Variants in ITGBL1 observed in about 807,000 individuals in gnomAD.
The protein encoded by ITGBL1 is integrin beta-like protein 1.
ITGBL1 carries 51 observed loss-of-function variants against 68.5 expected under a neutral mutation model. The ratio of observed to expected loss-of-function variants is 0.74; its 90% CI spans 0.59 to 0.94. ITGBL1 has a LOEUF of 0.94. ITGBL1 is among the 40% of genes least tolerant of loss of function. The pLI is 0.00. For missense variants in ITGBL1, 649 were observed against 647.4 expected (o/e 1.00, Z -0.03); for synonymous variants, 209 against 227.3 (o/e 0.92, Z 0.72).
Position 101,579,202 on chromosome 13 carries a change from A to G in ITGBL1, c.587-85A>G, listed in dbSNP as rs1030869189. ...AGCTGTGACAGTATTTCAGAAGGCA[A>G]AAATGATCACAAAGAGATAGAAAGT... On this transcript the variant is annotated intron_variant, in intron 4 of 10. Coordinates refer to ENST00000376180, the MANE Select transcript of ITGBL1 (RefSeq NM_004791.3). The G allele has an allele frequency of 6.7e-6, 10 of 1,481,654 alleles. No individual in the cohort carries two copies. In the African/African-American group the frequency reaches 8.4e-5, roughly 12 times the overall value. 91.8% of individuals were successfully genotyped at this position (1,481,654 alleles called of 1,614,324 possible).
intron 3 of ITGBL1, among the ~76,000 whole-genome samples, chr13:101,570,470 A>G (rs2050254437): frequency 6.6e-6 from 1 of 152,192 alleles, no homozygotes; most frequent in Non-Finnish European, 1.5e-5. Context: ...TTGTGGGCAC[A>G]GGGATACTTA....
At chr13:101,667,409 T>C (rs1296646332) in intron 7 of ITGBL1, among the ~76,000 whole-genome samples, 3 of 152,074 alleles carry the variant, frequency 2.0e-5, no homozygotes, top group Non-Finnish European at 4.4e-5. Context: ...TGCTTGGAGA[T>C]TATTTTTCTC....
At chr13:101,675,177 C>A (rs2033470605) in intron 7 of ITGBL1, among the ~76,000 whole-genome samples, 1 of 151,850 alleles carries the variant, frequency 6.6e-6, no homozygotes, top group African/African-American at 2.4e-5. Context: ...TTGCTTTTTC[C>A]TTTGAAAGTA....
intron 4 of ITGBL1, among the ~76,000 whole-genome samples, chr13:101,579,043 C>T (rs1439386712): frequency 1.3e-5 from 2 of 152,132 alleles, no homozygotes; most frequent in Non-Finnish European, 2.9e-5. Flanking sequence ...TTTAAAAATA[C>T]TTTTAATCAG....
intron 2 of ITGBL1, among the ~76,000 whole-genome samples, chr13:101,535,539 T>G (rs2049559061): frequency 6.6e-6 from 1 of 152,144 alleles, no homozygotes; most frequent in African/African-American, 2.4e-5. Flanking sequence ...TCCTCTGACT[T>G]GAGAATCTAG....
intron 4 of ITGBL1, among the ~76,000 whole-genome samples, chr13:101,577,017 A>G (rs545482489): frequency 6.6e-5 from 10 of 152,164 alleles, no homozygotes; most frequent in Non-Finnish European, 1.5e-4. Flanking sequence ...TAAACACCAC[A>G]AAAGCAGAGT....
At chr13:101,528,538 A>G (rs1196963090) in intron 2 of ITGBL1, among the ~76,000 whole-genome samples, 2 of 151,762 alleles carry the variant, frequency 1.3e-5, no homozygotes, top group Admixed American at 6.6e-5. Context: ...TCCTAGATTC[A>G]TAAGGAGAAC....
rs576999276 is a variant in ITGBL1, at chr13:101,694,745, T to C, written c.1132+2044T>C. The stretch of plus-strand genomic sequence containing the variant: ...CCAGAAATGGCTTTTGTATGTTTTT[T>C]CTGTCTATTTGTTGCTTTGGAGTAA... On this transcript the variant is annotated intron_variant, in intron 8 of 10. Coordinates refer to ENST00000376180, the MANE Select transcript of ITGBL1 (RefSeq NM_004791.3). Among the ~76,000 whole-genome samples, 4 of 152,298 alleles carry C rather than the reference T, an allele frequency of 2.6e-5. No homozygotes were observed. In the East Asian group the frequency reaches 7.7e-4, roughly 29 times the overall value.
chr13:101,539,995 T>C (rs1023768394), intron 2 of ITGBL1, among the ~76,000 whole-genome samples: 1 of 152,226 alleles, frequency 6.6e-6, no homozygotes, highest in African/African-American at 2.4e-5. Context: ...TCTCCCATTC[T>C]GTAGGTTGCC....
chr13:101,633,610 T>A (rs1434676204), intron 7 of ITGBL1, among the ~76,000 whole-genome samples: 1 of 152,216 alleles, frequency 6.6e-6, no homozygotes, highest in East Asian at 1.9e-4. Context: ...TCAGCCTTTT[T>A]GCTTTTTCCC....
chr13:101,561,364 T>C (rs2050097589), intron 2 of ITGBL1, among the ~76,000 whole-genome samples: 1 of 152,144 alleles, frequency 6.6e-6, no homozygotes, highest in African/African-American at 2.4e-5. Context: ...ATTTAGTACC[T>C]GTTTCCCCTA....
chr13:101,631,234 T>C (rs1049607431), intron 7 of ITGBL1, among the ~76,000 whole-genome samples: 5 of 152,196 alleles, frequency 3.3e-5, no homozygotes, highest in African/African-American at 1.2e-4. Flanking sequence ...TGTCGTCTTA[T>C]AGTTAGTAAA....
chr13:101,690,093 A>G (rs75624120), intron 7 of ITGBL1, among the ~76,000 whole-genome samples: 3,022 of 152,298 alleles, frequency 0.02, 111 homozygotes, highest in African/African-American at 0.068. Context: ...TAAAACTCCA[A>G]TAGATACATG....
chr13:101,466,010 TGAA>T (rs140341618), intron 2 of ITGBL1, among the ~76,000 whole-genome samples: 3,304 of 152,244 alleles, frequency 0.022, 47 homozygotes, highest in South Asian at 0.055. Flanking sequence ...CCAACCAAAA[TGAA>T]GACGTGGAGT....
intron 2 of ITGBL1, among the ~76,000 whole-genome samples, chr13:101,474,635 G>T (rs2048509979): frequency 6.6e-6 from 1 of 152,142 alleles, no homozygotes; most frequent in African/African-American, 2.4e-5. Flanking sequence ...TACCATGCTG[G>T]CTTTGGGACT....
intron 2 of ITGBL1, among the ~76,000 whole-genome samples, chr13:101,493,587 T>G (rs900015111): frequency 6.6e-6 from 1 of 152,194 alleles, no homozygotes; most frequent in African/African-American, 2.4e-5. Context: ...CTGAGTGATA[T>G]GTGACTTGTG....
intron 2 of ITGBL1, among the ~76,000 whole-genome samples, chr13:101,541,007 C>T (rs890133417): frequency 1.7e-5 from 2 of 120,810 alleles, no homozygotes; most frequent in African/African-American, 6.4e-5. Flanking sequence ...CAAACAGGGA[C>T]AATTTGACTT....
At chr13:101,493,888 TTC>T (rs2048817434) in intron 2 of ITGBL1, among the ~76,000 whole-genome samples, 1 of 152,244 alleles carries the variant, frequency 6.6e-6, no homozygotes, top group Non-Finnish European at 1.5e-5. Flanking sequence ...TGTTGCTAGT[TTC>T]TAATTTCAGA....
At chr13:101,559,344 C>T (rs1014944756) in intron 2 of ITGBL1, among the ~76,000 whole-genome samples, 4 of 152,122 alleles carry the variant, frequency 2.6e-5, no homozygotes, top group African/African-American at 9.7e-5. Flanking sequence ...TGGGGCTATT[C>T]AATCCAATCT....
Sources: gnomAD v4.1 joint callset for allele counts (sites outside exome capture counted in the v4.1 genomes callset) on GRCh38, gnomAD v4.1.1 for gene constraint, MANE v1.5 for transcripts, NCBI Gene and HGNC (gene_info 2026-07-23, HGNC 2026-07-21) for gene names.